Variants in CSMD1 observed in about 807,000 individuals in gnomAD.
CSMD1 encodes CUB and Sushi multiple domains 1.
CSMD1 carries 213 observed loss-of-function variants against 417.5 expected under a neutral mutation model. The ratio of observed to expected loss-of-function variants is 0.51; its 90% CI spans 0.46 to 0.57. CSMD1 has a LOEUF of 0.57. Ranked by LOEUF, CSMD1 falls within the 20% of genes least tolerant of loss-of-function variation. The probability of loss-of-function intolerance (pLI) is 0.00; values close to 1 mark genes in which losing one functional copy is unlikely to be tolerated. For missense variants in CSMD1, 6,923 were observed against 4,529.7 expected, an observed-to-expected ratio of 1.53 and a Z score of -15.17; for synonymous variants, 2,862 against 1,736.8, an observed-to-expected ratio of 1.65 and a Z score of -16.11.
At chr8:4,400,623 T>C (rs1301849130) in intron 3 of CSMD1, among the ~76,000 whole-genome samples, 8 of 152,262 alleles carry the variant, frequency 5.3e-5, no homozygotes, top group Non-Finnish European at 1.0e-4. Context: ...GGATCCAGAC[T>C]GACCTGCAAT....
chr8:4,059,613 C>T (rs1798868477), intron 3 of CSMD1, among the ~76,000 whole-genome samples: 1 of 151,982 alleles, frequency 6.6e-6, no homozygotes, highest in Non-Finnish European at 1.5e-5. Context: ...AAGGGGATAT[C>T]ACCACCGATC....
chr8:4,114,635 T>C (rs867911100), intron 3 of CSMD1, among the ~76,000 whole-genome samples: 5 of 152,236 alleles, frequency 3.3e-5, no homozygotes, highest in Admixed American at 6.5e-5. Context: ...AAAAACCTTC[T>C]GGAAAGGATT....
rs12677997 is a variant in CSMD1, at chr8:4,424,593, T to C, written c.303-4528A>G. Among the ~76,000 whole-genome samples the C allele has an allele frequency of 1.1e-3, 161 of 152,186 alleles. 1 individual carries two copies. In the East Asian group the frequency reaches 0.023, roughly 22 times the overall value. On this transcript the variant is annotated intron_variant, in intron 2 of 69. Coordinates refer to ENST00000635120, the MANE Select transcript of CSMD1 (RefSeq NM_033225.6). ...TGGAGAAAATTGGTTGCTCTTATAC[T>C]GCTGGTGGAAATATAAAATGGTACA... is the stretch of plus-strand genomic sequence containing the variant.
chr8:4,089,392 G>C (rs1207845729), intron 3 of CSMD1, among the ~76,000 whole-genome samples: 5 of 152,156 alleles, frequency 3.3e-5, no homozygotes, highest in Non-Finnish European at 7.3e-5. Flanking sequence ...TCTCTGAGAA[G>C]AAAATTAGTA....
At chr8:4,432,381 C>T (rs1797920050) in intron 2 of CSMD1, among the ~76,000 whole-genome samples, 1 of 152,090 alleles carries the variant, frequency 6.6e-6, no homozygotes, top group South Asian at 2.1e-4. Context: ...TAGTGATTAA[C>T]CTACACTAAG....
At chr8:3,557,224 T>G (rs1329831341) in intron 10 of CSMD1, among the ~76,000 whole-genome samples, 1 of 152,218 alleles carries the variant, frequency 6.6e-6, no homozygotes, top group African/African-American at 2.4e-5. Context: ...TACAACATAT[T>G]TGGCCATTTT....
At chr8:3,474,858 A>C (rs1817317167) in intron 11 of CSMD1, among the ~76,000 whole-genome samples, 1 of 152,214 alleles carries the variant, frequency 6.6e-6, no homozygotes. Flanking sequence ...TTAAACTTAA[A>C]AATAATGTTA....
chr8:4,593,848 C>T (rs369973203), intron 2 of CSMD1, among the ~76,000 whole-genome samples: 4 of 152,114 alleles, frequency 2.6e-5, no homozygotes, highest in African/African-American at 9.7e-5. Context: ...GCTAAGATTG[C>T]CTGTAACAAA....
intron 6 of CSMD1, among the ~76,000 whole-genome samples, chr8:3,714,579 A>AAAAAAAAAAAAAAAC: frequency 1.3e-5 from 2 of 148,714 alleles, no homozygotes; most frequent in Non-Finnish European, 3.0e-5. Context: ...AAAAAAAAAA[A>AAAAAAAAAAAAAAAC]AATTAGCCCC....
intron 3 of CSMD1, among the ~76,000 whole-genome samples, chr8:4,105,252 A>C (rs1451718351): frequency 6.6e-6 from 1 of 152,160 alleles, no homozygotes; most frequent in African/African-American, 2.4e-5. Context: ...AATATTGATC[A>C]ACGGCCGTAT....
At chr8:3,562,180 A>G (rs938136594) in intron 10 of CSMD1, among the ~76,000 whole-genome samples, 1 of 152,192 alleles carries the variant, frequency 6.6e-6, no homozygotes, top group Admixed American at 6.5e-5. Flanking sequence ...GTAGGTGGGG[A>G]AAGATGGAAA....
chr8:3,306,448 G>C (rs1168833107), intron 25 of CSMD1, among the ~76,000 whole-genome samples: 3 of 152,150 alleles, frequency 2.0e-5, no homozygotes, highest in Non-Finnish European at 4.4e-5. Context: ...TGTTAGGCAT[G>C]AGCCACTGTG....
At chr8:3,882,266 C>T (rs1163115241) in intron 5 of CSMD1, among the ~76,000 whole-genome samples, 6 of 152,090 alleles carry the variant, frequency 3.9e-5, no homozygotes, top group Non-Finnish European at 7.4e-5. Context: ...TAGAAAAAGA[C>T]ACCAAATCAT....
chr8:3,564,427 G>C (rs1300751536), intron 10 of CSMD1, among the ~76,000 whole-genome samples: 2 of 151,918 alleles, frequency 1.3e-5, no homozygotes, highest in Non-Finnish European at 2.9e-5. Context: ...ATTGTCTACA[G>C]CTGTGCTGTT....
intron 8 of CSMD1, among the ~76,000 whole-genome samples, chr8:3,607,784 C>T (rs902365182): frequency 6.6e-6 from 1 of 152,174 alleles, no homozygotes; most frequent in African/African-American, 2.4e-5. Flanking sequence ...TGGCAATACT[C>T]CTTTGTGGAA....
At chr8:4,217,235 G>A (rs1008094169) in intron 3 of CSMD1, among the ~76,000 whole-genome samples, 1 of 152,160 alleles carries the variant, frequency 6.6e-6, no homozygotes, top group Non-Finnish European at 1.5e-5. Context: ...ATATAAAAAT[G>A]CTTCTATCTA....
chr8:3,549,108 A>C (rs1218108017), intron 10 of CSMD1, among the ~76,000 whole-genome samples: 1 of 152,126 alleles, frequency 6.6e-6, no homozygotes, highest in African/African-American at 2.4e-5. Flanking sequence ...ACACATTGCC[A>C]TGCAGATGCC....
At chr8:3,099,259 C>T (rs1320985893) in intron 46 of CSMD1, among the ~76,000 whole-genome samples, 1 of 152,088 alleles carries the variant, frequency 6.6e-6, no homozygotes, top group Non-Finnish European at 1.5e-5. Context: ...TTACCTACAC[C>T]CTCCTGTAAG....
At chr8:3,533,455 A>C (rs763294327) in intron 10 of CSMD1, among the ~76,000 whole-genome samples, 12 of 152,132 alleles carry the variant, frequency 7.9e-5, no homozygotes, top group Non-Finnish European at 1.0e-4. Flanking sequence ...ACTCCTTTAG[A>C]TTCCTCATGT....
Sources: gnomAD v4.1 joint callset for allele counts (sites outside exome capture counted in the v4.1 genomes callset) on GRCh38, gnomAD v4.1.1 for gene constraint, MANE v1.5 for transcripts, NCBI Gene and HGNC (gene_info 2026-07-23, HGNC 2026-07-21) for gene names.